SAMMSON: variants seen among roughly 807,000 people sequenced by gnomAD.
The protein encoded by SAMMSON is survival associated mitochondrial melanoma specific oncogenic non-coding RNA.
intron 2 of SAMMSON, among the ~76,000 whole-genome samples, chr3:70,412,783 G>A (rs1219182047): frequency 1.3e-5 from 2 of 152,018 alleles, no homozygotes; most frequent in East Asian, 1.9e-4. Flanking sequence ...GAATAAAATC[G>A]GGTACTCAAC....
intron 2 of SAMMSON, among the ~76,000 whole-genome samples, chr3:70,406,598 A>G (rs1701180216): frequency 6.6e-6 from 1 of 152,244 alleles, no homozygotes; most frequent in Non-Finnish European, 1.5e-5. Flanking sequence ...GGATGATAGA[A>G]GAGAAATGGA....
At position 70,105,029 on chromosome 3, in the gene SAMMSON, A is replaced by T. The variant is rs563145132; in HGVS notation, n.507+33464A>T. Among the ~76,000 whole-genome samples, 19 of 152,294 alleles carry T rather than the reference A, an allele frequency of 1.2e-4. No homozygotes were observed. The South Asian group carries it at 3.5e-3, about 28-fold the overall frequency. ...TGGGAAAGGAAACAGAAATATGCCT[A>T]AGCCAAGCACCCTTTCTCAAGGATT... On this transcript the variant is annotated intron_variant and non_coding_transcript_variant, in intron 4 of 9. Coordinates refer to ENST00000642114, the Ensembl canonical transcript of SAMMSON.
At chr3:70,405,913 T>A (rs989025372) in intron 2 of SAMMSON, among the ~76,000 whole-genome samples, 4 of 152,114 alleles carry the variant, frequency 2.6e-5, no homozygotes, top group Non-Finnish European at 5.9e-5. Flanking sequence ...TTTTGAAAAT[T>A]AATGATAAGA....
intron 4 of SAMMSON, among the ~76,000 whole-genome samples, chr3:70,236,403 G>A (rs971659797): frequency 3.3e-5 from 5 of 151,958 alleles, no homozygotes; most frequent in Non-Finnish European, 7.4e-5. Context: ...TATTTGGAAT[G>A]GCCTCTAAAG....
intron 4 of SAMMSON, among the ~76,000 whole-genome samples, chr3:70,108,576 A>G (rs544798721): frequency 6.6e-6 from 1 of 151,686 alleles, no homozygotes; most frequent in African/African-American, 2.4e-5. Context: ...ATATACTGAA[A>G]CTCCAATGTA....
At chr3:70,049,194 A>G (rs1051564577) in intron 3 of SAMMSON, among the ~76,000 whole-genome samples, 11 of 152,094 alleles carry the variant, frequency 7.2e-5, no homozygotes, top group Non-Finnish European at 1.2e-4. Flanking sequence ...CTCTTAGTAC[A>G]TTGTCGGGAC....
chr3:70,138,791 C>T (rs2067516278), intron 4 of SAMMSON, among the ~76,000 whole-genome samples: 1 of 152,172 alleles, frequency 6.6e-6, no homozygotes, highest in Non-Finnish European at 1.5e-5. Context: ...TCATGTTGCT[C>T]TTTGGCTGTG....
chr3:70,271,378 G>T (rs1701974428), intron 6 of SAMMSON, among the ~76,000 whole-genome samples: 1 of 152,152 alleles, frequency 6.6e-6, no homozygotes, highest in Non-Finnish European at 1.5e-5. Context: ...CTCACTGGTG[G>T]AACTCCAATG....
intron 1 of SAMMSON, among the ~76,000 whole-genome samples, chr3:70,001,577 A>AATGT (rs1172842557): frequency 2.6e-5 from 4 of 151,776 alleles, no homozygotes; most frequent in Non-Finnish European, 5.9e-5. Flanking sequence ...TTATTCTTTT[A>AATGT]ACAGTATGTA....
At chr3:70,356,475 A>G (rs1306830683) in intron 8 of SAMMSON, among the ~76,000 whole-genome samples, 1 of 152,108 alleles carries the variant, frequency 6.6e-6, no homozygotes, top group African/African-American at 2.4e-5. Context: ...AAATAATCGA[A>G]TATATTTTAA....
At chr3:70,283,942 T>C (rs900760833) in intron 6 of SAMMSON, 1 of 152,130 alleles carries the variant, frequency 6.6e-6, no homozygotes, top group African/African-American at 2.4e-5. Flanking sequence ...TTATTAACTC[T>C]GCTTTACTTC....
chr3:70,031,188 C>G (rs1462623224), intron 3 of SAMMSON, among the ~76,000 whole-genome samples: 1 of 152,064 alleles, frequency 6.6e-6, no homozygotes, highest in African/African-American at 2.4e-5. Flanking sequence ...TATATACATG[C>G]AATACAATAT....
At chr3:70,375,925 A>G (rs1050669322) in intron 9 of SAMMSON, among the ~76,000 whole-genome samples, 9 of 152,066 alleles carry the variant, frequency 5.9e-5, no homozygotes, top group African/African-American at 2.2e-4. Flanking sequence ...TCTGGGTTAC[A>G]TTTATATCTT....
chr3:70,310,505 A>G (rs901398689), intron 7 of SAMMSON, among the ~76,000 whole-genome samples: 19 of 152,022 alleles, frequency 1.2e-4, no homozygotes, highest in South Asian at 2.1e-4. Context: ...AGCTGGGACT[A>G]CAGGGGTGTG....
At chr3:70,017,199 T>C (rs953278072) in intron 3 of SAMMSON, among the ~76,000 whole-genome samples, 2 of 152,194 alleles carry the variant, frequency 1.3e-5, no homozygotes, top group Non-Finnish European at 2.9e-5. Context: ...TTTCACGATA[T>C]TGATTCTTCC....
chr3:70,161,222 G>C (rs2067614130), intron 4 of SAMMSON, among the ~76,000 whole-genome samples: 1 of 151,920 alleles, frequency 6.6e-6, no homozygotes, highest in African/African-American at 2.4e-5. Flanking sequence ...TTGAAAAGAG[G>C]TGGTGAGAGA....
rs113380004 is a variant in SAMMSON at position 70,231,977 on chromosome 3, A to G, written n.508-17130A>G. The stretch of plus-strand genomic sequence containing the variant: ...CAGTTGTTCAGTGTTGGGAGCCCCC[A>G]AAGCGTTATTGTCTGCTCCTTCCAC... On this transcript the variant is annotated intron_variant and non_coding_transcript_variant, in intron 4 of 9. Transcript: ENST00000642114. 5.6e-3 allele frequency among the ~76,000 whole-genome samples: 858 copies of G among 152,242 alleles called. 8 individuals are homozygous for G. Among genetic ancestry groups the G allele is most frequent in the African/African-American group, 0.02 (824 of 41,554 alleles).
chr3:70,420,876 A>G (rs976291410), intron 2 of SAMMSON, among the ~76,000 whole-genome samples: 3 of 152,324 alleles, frequency 2.0e-5, no homozygotes, highest in Admixed American at 1.3e-4. Context: ...TCGAAAGTGT[A>G]GAGTGGCTCT....
chr3:70,121,933 A>G (rs1273284938), intron 4 of SAMMSON, among the ~76,000 whole-genome samples: 2 of 152,220 alleles, frequency 1.3e-5, no homozygotes, highest in African/African-American at 4.8e-5. Flanking sequence ...TACTTGGCAC[A>G]GTCCAGGCAC....
Sources: allele counts gnomAD v4.1 joint callset (sites outside exome capture counted in the v4.1 genomes callset), GRCh38; gene constraint gnomAD v4.1.1; transcripts MANE v1.5; gene names NCBI Gene and HGNC (gene_info 2026-07-23, HGNC 2026-07-21).